The following CADM1 variants were observed in gnomAD, a reference collection of about 807,000 sequenced individuals.
CADM1 encodes TSLC-1.
A neutral mutation model predicts 53.1 loss-of-function variants in CADM1; 15 were observed. That is an observed-to-expected ratio of 0.28 (90% CI 0.19 to 0.44). CADM1 has a LOEUF of 0.44. CADM1 is among the 20% of genes least tolerant of loss of function. CADM1 has a pLI of 1.00. For missense variants in CADM1, 434 were observed against 611.3 expected, an observed-to-expected ratio of 0.71 and a Z score of 3.06; for synonymous variants, 281 against 243.0, an observed-to-expected ratio of 1.16 and a Z score of -1.45.
At chr11:115,413,495 A>G (rs1415737431) in intron 1 of CADM1, among the ~76,000 whole-genome samples, 1 of 152,188 alleles carries the variant, frequency 6.6e-6, no homozygotes, top group African/African-American at 2.4e-5. Flanking sequence ...ATCTTGAAAG[A>G]ACTCTATGAG....
At chr11:115,184,157 G>C (rs1355718133) in intron 10 of CADM1, among the ~76,000 whole-genome samples, 1 of 152,032 alleles carries the variant, frequency 6.6e-6, no homozygotes, top group Non-Finnish European at 1.5e-5. Context: ...GAAAAAGCCT[G>C]GTAGTGGATT....
chr11:115,236,643 T>A (rs1033209944), intron 3 of CADM1, among the ~76,000 whole-genome samples: 1 of 152,152 alleles, frequency 6.6e-6, no homozygotes, highest in Non-Finnish European at 1.5e-5. Flanking sequence ...AGCAGTTGTT[T>A]TGAGAATAAA....
intron 1 of CADM1, among the ~76,000 whole-genome samples, chr11:115,498,676 G>A (rs1591308736): frequency 6.6e-6 from 1 of 152,180 alleles, no homozygotes; most frequent in East Asian, 1.9e-4. Flanking sequence ...TAGCTTCTCT[G>A]GCCTCTGCCT....
rs373289792 is a variant in CADM1 at position 115,328,689 on chromosome 11, T to TATATAC, written c.125-88270_125-88269insGTATAT. Reference sequence around the variant, plus strand: ...CACTATATATATATGTGTATATATATGTGTATATATATGTATATATATATG... The same window carrying TATATAC: ...CACTATATATATATGTGTATATATATATATACGTGTATATATATGTATATATATATG... On this transcript the variant is annotated intron_variant, in intron 1 of 11. Transcript: ENST00000331581. Among the ~76,000 whole-genome samples, 2 of 23,960 alleles carry TATATAC rather than the reference T, an allele frequency of 8.3e-5. 1 individual carries two copies. Among genetic ancestry groups the TATATAC allele is most frequent in the Admixed American group, 1.5e-3 (2 of 1,360 alleles). 15.7% of individuals were successfully genotyped at this position (23,960 alleles called of 152,430 possible).
chr11:115,184,735 G>A (rs1359584653), intron 10 of CADM1, among the ~76,000 whole-genome samples: 1 of 152,196 alleles, frequency 6.6e-6, no homozygotes, highest in Non-Finnish European at 1.5e-5. Context: ...AAGGAGCTAT[G>A]TTAAGCTACT....
chr11:115,411,619 T>G (rs1157605925), intron 1 of CADM1, among the ~76,000 whole-genome samples: 2 of 152,186 alleles, frequency 1.3e-5, no homozygotes, highest in East Asian at 3.8e-4. Flanking sequence ...AAGAAAAAAG[T>G]ACAATTCTTT....
At chr11:115,334,269 A>G (rs1945205610) in intron 1 of CADM1, among the ~76,000 whole-genome samples, 1 of 152,182 alleles carries the variant, frequency 6.6e-6, no homozygotes. Flanking sequence ...TAAACTCCAC[A>G]TCATAAAGAA....
chr11:115,405,193 A>G (rs748285508), intron 1 of CADM1, among the ~76,000 whole-genome samples: 16 of 152,124 alleles, frequency 1.1e-4, no homozygotes, highest in Non-Finnish European at 2.2e-4. Flanking sequence ...CCTCAAGCCA[A>G]CTTCCTACCT....
At chr11:115,432,962 G>C (rs1422644476) in intron 1 of CADM1, among the ~76,000 whole-genome samples, 1 of 152,160 alleles carries the variant, frequency 6.6e-6, no homozygotes, top group African/African-American at 2.4e-5. Flanking sequence ...TCACAACCAG[G>C]TGAACAAAAG....
intron 1 of CADM1, among the ~76,000 whole-genome samples, chr11:115,315,336 G>A (rs1048515559): frequency 4.6e-5 from 7 of 152,084 alleles, no homozygotes; most frequent in Admixed American, 6.6e-5. Flanking sequence ...GATGGGACAC[G>A]ACACATTTTC....
intron 1 of CADM1, among the ~76,000 whole-genome samples, chr11:115,470,374 G>C (rs1948986262): frequency 6.6e-6 from 1 of 152,090 alleles, no homozygotes; most frequent in South Asian, 2.1e-4. Flanking sequence ...AACATTCTTG[G>C]GAGGGCATTG....
At position 115,229,195 on chromosome 11, in the gene CADM1, G is replaced by A. The variant is rs368470319; in HGVS notation, c.639C>T (p.Asp213=). 14 of 1,613,960 alleles carry A rather than the reference G, an allele frequency of 8.7e-6. No homozygotes were observed. The highest frequency in any genetic ancestry group is 4.0e-5 in the African/African-American group (3 of 74,932). The change falls in exon 5 of 12, where the codon GAC becomes GAT. Residue 213 remains aspartate (D), a synonymous_variant. Coordinates refer to ENST00000331581, the MANE Select transcript of CADM1 (RefSeq NM_001301043.2). ...SQLMLKVHKE[D]DGVPVICQVE... is the part of the protein sequence containing the mutation. The stretch of plus-strand genomic sequence containing the variant: ...CCTGGCAGATCACTGGGACCCCATC[G>A]TCCTCCTTGTGCACCTTCAGCATCA...
At position 115,198,446 on chromosome 11, in the gene CADM1, CG is replaced by C; in HGVS notation, c.1079-9del. The C allele has an allele frequency of 1.9e-6, 3 of 1,594,092 alleles. No homozygotes were observed. Among genetic ancestry groups the C allele is most frequent in the Admixed American group, 1.7e-5 (1 of 59,682 alleles). On this transcript the variant is annotated splice_polypyrimidine_tract_variant and intron_variant, in intron 8 of 11. Transcript: ENST00000331581. The stretch of plus-strand genomic sequence containing the variant: ...CTGTCGTCGCCGTTGTGTCTACAGA[CG>C]GGAACAGAGGATTGGAGGAAGGGAA...
At chr11:115,327,774 T>TA (rs1944999063) in intron 1 of CADM1, among the ~76,000 whole-genome samples, 1 of 152,174 alleles carries the variant, frequency 6.6e-6, no homozygotes, top group Non-Finnish European at 1.5e-5. Context: ...TATTAGTACC[T>TA]ACTTCACAGA....
At chr11:115,371,511 A>ATT (rs1279671584) in intron 1 of CADM1, among the ~76,000 whole-genome samples, 4 of 152,296 alleles carry the variant, frequency 2.6e-5, no homozygotes, top group Admixed American at 2.6e-4. Context: ...GAAGAAAAGG[A>ATT]GAACAAAGAG....
chr11:115,186,400 G>A (rs1399865479), intron 10 of CADM1, among the ~76,000 whole-genome samples: 1 of 152,128 alleles, frequency 6.6e-6, no homozygotes, highest in Non-Finnish European at 1.5e-5. Flanking sequence ...TATGCCTGAT[G>A]GGCTGCAGAG....
intron 1 of CADM1, among the ~76,000 whole-genome samples, chr11:115,491,286 C>T (rs553316104): frequency 6.6e-6 from 1 of 152,204 alleles, no homozygotes; most frequent in East Asian, 1.9e-4. Flanking sequence ...AAAAAAAAGG[C>T]CGGGCGCAGT....
rs543234207 is a variant in CADM1 at position 115,422,989 on chromosome 11, C to T, written c.124+81282G>A. On this transcript the variant is annotated intron_variant, in intron 1 of 11. Coordinates refer to ENST00000331581, the MANE Select transcript of CADM1 (RefSeq NM_001301043.2). ...ACAACAAAAAATGAAAAGAAAGTTA[C>T]TGAACACAGTAAAATATAAACCTAG... 1.1e-4 allele frequency among the ~76,000 whole-genome samples: 16 copies of T among 151,196 alleles called. No individual in the cohort carries two copies. In the South Asian group the frequency reaches 3.3e-3, roughly 32 times the overall value.
chr11:115,196,595 T>TAAAAAAAAAAAAAAAAAAAAAAAAAAAAA, intron 9 of CADM1, among the ~76,000 whole-genome samples: 1 of 76,894 alleles, frequency 1.3e-5, no homozygotes, highest in Non-Finnish European at 2.3e-5. Flanking sequence ...GCTGATGAAC[T>TAAAAAAAAAAAAAAAAAAAAAAAAAAAAA]AAAAAAAAAA....
Sources: allele counts gnomAD v4.1 joint callset (sites outside exome capture counted in the v4.1 genomes callset), GRCh38; gene constraint gnomAD v4.1.1; transcripts MANE v1.5; gene names NCBI Gene and HGNC (gene_info 2026-07-23, HGNC 2026-07-21).